The following EML5 variants were observed in gnomAD, a reference collection of about 807,000 sequenced individuals.
EML5 encodes EMAP like 5.
EML5 carries 120 observed loss-of-function variants against 250.0 expected under a neutral mutation model. The observed-to-expected ratio is 0.48, with a 90% confidence interval of 0.41 to 0.56. The LOEUF (loss-of-function observed/expected upper bound fraction) is 0.56. Ranked by LOEUF, EML5 falls within the 20% of genes least tolerant of loss-of-function variation. The pLI is 0.00. For synonymous variants in EML5, 771 were observed against 806.5 expected (o/e 0.96, Z 0.75); for missense variants, 2,006 against 2,437.6 (o/e 0.82, Z 3.73).
intron 21 of EML5, among the ~76,000 whole-genome samples, chr14:88,672,851 C>A (rs2092502674): frequency 2.0e-5 from 3 of 152,088 alleles, no homozygotes; most frequent in African/African-American, 7.2e-5. Context: ...GAAGTTGAAT[C>A]CCTGAATAGA....
intron 8 of EML5, among the ~76,000 whole-genome samples, chr14:88,721,920 A>G (rs1452081796): frequency 2.0e-5 from 3 of 152,204 alleles, no homozygotes; most frequent in Admixed American, 2.0e-4. Context: ...CAAATTTACA[A>G]GAAAAAAACA....
Position 88,644,432 on chromosome 14 carries a change from C to T in EML5, c.4107+1G>A. On this transcript the variant is annotated splice_donor_variant, in intron 30 of 43. Transcript: ENST00000554922. LOFTEE classifies it high-confidence loss of function. The stretch of plus-strand genomic sequence containing the variant: ...AACACTGGAGAGTGAGTTTTCCTTA[C>T]CTCTATAGGTCTCTTTTTCTTGCCT... The T allele has an allele frequency of 6.2e-7, 1 of 1,613,622 alleles. No individual in the cohort carries two copies. The highest frequency in any genetic ancestry group is 8.5e-7 in the Non-Finnish European group (1 of 1,179,654).
In EML5 at chr14:88,620,269, G is replaced by A. The variant is rs1430385277; in HGVS notation, c.5375+485C>T. The A allele has an allele frequency of 6.6e-6, 1 of 152,380 alleles. No homozygotes were observed. Among genetic ancestry groups the A allele is most frequent in the Admixed American group, 6.5e-5 (1 of 15,284 alleles). 9.4% of individuals were successfully genotyped at this position (152,380 alleles called of 1,614,324 possible). On this transcript the variant is annotated intron_variant, in intron 39 of 43. Transcript: ENST00000554922. This position sits in a 1 kb window ranked among gnomAD's most constrained non-coding sequence, Gnocchi z 4.3. ...GTAGCCACTGTTGAAAAATGCTTAAGCACTGAAAAACAAAGGTTTAAGAAA... is the reference window on the plus strand; with the variant it reads ...GTAGCCACTGTTGAAAAATGCTTAAACACTGAAAAACAAAGGTTTAAGAAA...
intron 1 of EML5, among the ~76,000 whole-genome samples, chr14:88,783,156 C>T (rs1481376190): frequency 1.3e-5 from 2 of 152,236 alleles, no homozygotes; most frequent in East Asian, 1.9e-4. Context: ...GTTGCAGGGG[C>T]GGAGCCCTCA....
At chr14:88,707,274 A>T (rs1439941102) in intron 10 of EML5, among the ~76,000 whole-genome samples, 2 of 136,286 alleles carry the variant, frequency 1.5e-5, no homozygotes, top group Non-Finnish European at 3.3e-5. Flanking sequence ...GATATATTTT[A>T]TTTATTTATT....
intron 19 of EML5, among the ~76,000 whole-genome samples, chr14:88,686,119 A>C (rs937393352): frequency 3.9e-5 from 6 of 152,072 alleles, no homozygotes; most frequent in African/African-American, 1.4e-4. Context: ...AGAGGAGATG[A>C]GGGTGGGGGA....
chr14:88,717,369 G>A (rs2093514206), intron 8 of EML5, among the ~76,000 whole-genome samples: 1 of 152,112 alleles, frequency 6.6e-6, no homozygotes, highest in Non-Finnish European at 1.5e-5. Context: ...CATGAAGTGG[G>A]GGCCTCATAT....
chr14:88,724,794 A>G (rs950683838), intron 8 of EML5, among the ~76,000 whole-genome samples: 2 of 152,200 alleles, frequency 1.3e-5, no homozygotes, highest in Non-Finnish European at 2.9e-5. Context: ...TCTAACCTGC[A>G]AAACTGAAGA....
At chr14:88,719,685 T>A (rs919543873) in intron 8 of EML5, among the ~76,000 whole-genome samples, 3 of 151,738 alleles carry the variant, frequency 2.0e-5, no homozygotes, top group East Asian at 1.9e-4. Flanking sequence ...TTTTTTTTTT[T>A]AAACAGAAAA....
At chr14:88,722,060 T>C (rs923051114) in intron 8 of EML5, among the ~76,000 whole-genome samples, 5 of 152,094 alleles carry the variant, frequency 3.3e-5, no homozygotes, top group African/African-American at 1.2e-4. Context: ...AAAACCACAT[T>C]GAGGTACCAT....
Position 88,658,201 on chromosome 14 carries a change from G to A in EML5, c.3863C>T (p.Ser1288Phe). Residue 1288 changes from serine (S) to phenylalanine (F), a missense_variant, in exon 26 of 44, where the codon TCT becomes TTT. By Grantham distance (155) the Ser-to-Phe change is radical (BLOSUM62 -2). Coordinates refer to ENST00000554922, the MANE Select transcript of EML5 (RefSeq NM_183387.3). ...PCDSEESDID[S>F]EEDGGYDSDV... The stretch of plus-strand genomic sequence containing the variant: ...AAATGACGTACCCCCATCTTCTTCA[G>A]AATCAATGTCGGATTCTTCACTATC... The A allele has an allele frequency of 1.2e-6, 2 of 1,613,634 alleles. No homozygotes were observed. Among genetic ancestry groups the A allele is most frequent in the Non-Finnish European group, 1.7e-6 (2 of 1,179,716 alleles).
At chr14:88,706,135 T>C in intron 11 of EML5, 124 bp downstream of exon 11, 1 of 892,238 alleles carries the variant, frequency 1.1e-6, no homozygotes. Flanking sequence ...TTGAAATTTC[T>C]ACTAATAACA....
At chr14:88,659,359 C>T (rs1203247546) in intron 25 of EML5, among the ~76,000 whole-genome samples, 3 of 151,950 alleles carry the variant, frequency 2.0e-5, no homozygotes, top group African/African-American at 7.3e-5. Flanking sequence ...TACAGGGACC[C>T]GCCACCGTGC....
At chr14:88,733,020 T>C (rs1005350689) in intron 7 of EML5, among the ~76,000 whole-genome samples, 1 of 152,236 alleles carries the variant, frequency 6.6e-6, no homozygotes, top group African/African-American at 2.4e-5. Flanking sequence ...CAGCACAATG[T>C]AATGTGAAAC....
At position 88,778,387 on chromosome 14, in the gene EML5, G is replaced by A. The variant is rs191453723; in HGVS notation, c.197+13920C>T. On this transcript the variant is annotated intron_variant, in intron 1 of 43. Transcript: ENST00000554922. ...TTAAAAACTTCAATTTTGAGTGTAC[G>A]ACTTTTCTCAGAAGCCACTGTGGTT... Among the ~76,000 whole-genome samples, 72 of 152,312 alleles carry A rather than the reference G, an allele frequency of 4.7e-4. No individual in the cohort carries two copies. In the East Asian group the frequency reaches 0.012, roughly 26 times the overall value.
chr14:88,621,963 C>T, intron 37 of EML5: 1 of 442,288 alleles, frequency 2.3e-6, no homozygotes, highest in Middle Eastern at 3.3e-4. Context: ...CTACAGAATA[C>T]TAAAACATAC....
intron 1 of EML5, among the ~76,000 whole-genome samples, chr14:88,756,230 T>G (rs935981940): frequency 1.3e-5 from 2 of 152,074 alleles, no homozygotes; most frequent in Non-Finnish European, 2.9e-5. Flanking sequence ...TATGGCATAT[T>G]AACAGAAGAA....
chr14:88,688,162 A>T (rs2092879239), intron 18 of EML5, 109 bp downstream of exon 18: 1 of 1,031,392 alleles, frequency 9.7e-7, no homozygotes, highest in Non-Finnish European at 1.5e-6. Flanking sequence ...CCCACAGACT[A>T]CTGCTGGATA....
At chr14:88,717,512 A>G (rs766163896) in intron 8 of EML5, among the ~76,000 whole-genome samples, 3 of 152,100 alleles carry the variant, frequency 2.0e-5, no homozygotes, top group Non-Finnish European at 2.9e-5. Context: ...TAATCCCAGC[A>G]GTTTGGGAGG....
Sources: allele counts gnomAD v4.1 joint callset (sites outside exome capture counted in the v4.1 genomes callset), GRCh38; gene constraint gnomAD v4.1.1; non-coding constraint Gnocchi (gnomAD v3.1); transcripts MANE v1.5; gene names NCBI Gene and HGNC (gene_info 2026-07-23, HGNC 2026-07-21).